GRIN2B: variants seen among roughly 807,000 people sequenced by gnomAD.
GRIN2B encodes glutamate receptor ionotropic, NMDA 2B.
In GRIN2B, 5 loss-of-function variants were observed where a neutral mutation model predicts 114.5. The observed-to-expected ratio is 0.04, with a 90% CI of 0.02 to 0.09. The LOEUF (loss-of-function observed/expected upper bound fraction) is 0.09. Ranked by LOEUF, GRIN2B falls within the 10% of genes least tolerant of loss-of-function variation. The probability of loss-of-function intolerance (pLI) is 1.00; values close to 1 mark genes in which losing one functional copy is unlikely to be tolerated. For missense variants in GRIN2B, 1,108 were observed against 1,943.5 expected, an observed-to-expected ratio of 0.57 and a Z score of 8.08; for synonymous variants, 787 against 745.1, an observed-to-expected ratio of 1.06 and a Z score of -0.92.
intron 3 of GRIN2B, among the ~76,000 whole-genome samples, chr12:13,859,969 T>C (rs143719489): frequency 2.0e-4 from 30 of 152,298 alleles, no homozygotes; most frequent in Non-Finnish European, 4.0e-4. Flanking sequence ...CACAGACAAC[T>C]AAAAGCAAGG....
At chr12:13,712,299 C>G (rs182496991) in intron 4 of GRIN2B, among the ~76,000 whole-genome samples, 1 of 151,784 alleles carries the variant, frequency 6.6e-6, no homozygotes, top group African/African-American at 2.4e-5. Context: ...TTAATGAGTG[C>G]GGCACACCAA....
chr12:13,614,403 C>T (rs1031021928), intron 8 of GRIN2B, among the ~76,000 whole-genome samples: 7 of 152,100 alleles, frequency 4.6e-5, no homozygotes, highest in African/African-American at 1.2e-4. Context: ...TTCAAGGTGA[C>T]GTTTTATTTT....
At position 13,716,270 on chromosome 12, in the gene GRIN2B, T is replaced by C. The variant is rs113113844; in HGVS notation, c.1010+37047A>G. 3.0e-3 allele frequency among the ~76,000 whole-genome samples: 454 copies of C among 152,010 alleles called. 5 individuals are homozygous for C. The highest frequency in any genetic ancestry group is 0.01 in the African/African-American group (429 of 41,514). On this transcript the variant is annotated intron_variant, in intron 4 of 13. Coordinates refer to ENST00000609686, the MANE Select transcript of GRIN2B (RefSeq NM_000834.5). Reference sequence around the variant, plus strand: ...CTAGGGTGATGCAATAGGAAATAAATACTGTGCAAATTTAGAGACAGGAGA... The same window carrying C: ...CTAGGGTGATGCAATAGGAAATAAACACTGTGCAAATTTAGAGACAGGAGA...
chr12:13,600,487 ATGTG>A (rs750434434), intron 10 of GRIN2B, among the ~76,000 whole-genome samples: 8 of 147,110 alleles, frequency 5.4e-5, no homozygotes, highest in Non-Finnish European at 1.1e-4. Flanking sequence ...GAGGGTAGGG[ATGTG>A]TGTGTGCATG....
chr12:13,949,786 A>T (rs987518512), intron 2 of GRIN2B, among the ~76,000 whole-genome samples: 1 of 152,164 alleles, frequency 6.6e-6, no homozygotes, highest in Non-Finnish European at 1.5e-5. Flanking sequence ...GCCTAAAGGG[A>T]ATCAGCAAAA....
intron 2 of GRIN2B, among the ~76,000 whole-genome samples, chr12:13,880,125 A>G (rs1256643655): frequency 6.6e-6 from 1 of 152,222 alleles, no homozygotes; most frequent in Non-Finnish European, 1.5e-5. Flanking sequence ...GGGCTAAGGC[A>G]GTATAAAGAC....
At chr12:13,654,176 G>A (rs1414568896) in intron 5 of GRIN2B, among the ~76,000 whole-genome samples, 1 of 152,100 alleles carries the variant, frequency 6.6e-6, no homozygotes, top group Non-Finnish European at 1.5e-5. Context: ...CCGATGAAAG[G>A]CATGACAGAA....
At chr12:13,956,827 G>A (rs1163331243) in intron 2 of GRIN2B, among the ~76,000 whole-genome samples, 3 of 152,124 alleles carry the variant, frequency 2.0e-5, no homozygotes, top group Non-Finnish European at 2.9e-5. Context: ...CTTCTTCCAC[G>A]ATTTCTCTAG....
chr12:13,588,279 T>G (rs1402535884), intron 10 of GRIN2B, among the ~76,000 whole-genome samples: 1 of 152,230 alleles, frequency 6.6e-6, no homozygotes, highest in Non-Finnish European at 1.5e-5. Flanking sequence ...AAAACGTTTC[T>G]CTTTCAAATA....
chr12:13,801,898 C>T (rs12303001), intron 3 of GRIN2B, among the ~76,000 whole-genome samples: 16,916 of 152,030 alleles, frequency 0.11, 1,245 homozygotes, highest in Middle Eastern at 0.16. Context: ...TTAGACAAGA[C>T]GAGTTACCTA....
chr12:13,872,454 C>CA (rs35373717), intron 2 of GRIN2B, among the ~76,000 whole-genome samples: 57,598 of 124,098 alleles, frequency 0.46, 12,338 homozygotes, highest in East Asian at 0.67. Flanking sequence ...GGCTCCGACT[C>CA]AAAAAAAAAA....
At chr12:13,689,266 A>G (rs1179335244) in intron 4 of GRIN2B, among the ~76,000 whole-genome samples, 1 of 152,110 alleles carries the variant, frequency 6.6e-6, no homozygotes, top group Non-Finnish European at 1.5e-5. Context: ...GATTGGCTTT[A>G]TCTTTGCTCT....
At chr12:13,823,463 T>C (rs910636780) in intron 3 of GRIN2B, among the ~76,000 whole-genome samples, 2 of 152,132 alleles carry the variant, frequency 1.3e-5, no homozygotes, top group Non-Finnish European at 2.9e-5. Flanking sequence ...AAATTGATAA[T>C]TCTCCAGTAG....
At chr12:13,626,427 G>C (rs1949567314) in intron 5 of GRIN2B, among the ~76,000 whole-genome samples, 1 of 152,130 alleles carries the variant, frequency 6.6e-6, no homozygotes, top group Non-Finnish European at 1.5e-5. Flanking sequence ...CTTGTCATCA[G>C]GTTACCTTGT....
At chr12:13,600,666 T>C (rs1949145179) in intron 10 of GRIN2B, among the ~76,000 whole-genome samples, 1 of 152,142 alleles carries the variant, frequency 6.6e-6, no homozygotes, top group Non-Finnish European at 1.5e-5. Flanking sequence ...GTCTAGAATA[T>C]GAGAAGAGTG....
intron 3 of GRIN2B, among the ~76,000 whole-genome samples, chr12:13,823,646 TC>T (rs1864978587): frequency 1.3e-5 from 2 of 152,148 alleles, no homozygotes; most frequent in Non-Finnish European, 2.9e-5. Context: ...ATATTCTATT[TC>T]TTTTTTGTAC....
chr12:13,939,028 A>T (rs1867183064), intron 2 of GRIN2B, among the ~76,000 whole-genome samples: 1 of 152,186 alleles, frequency 6.6e-6, no homozygotes, highest in African/African-American at 2.4e-5. Flanking sequence ...ACAAAATAGG[A>T]GCTCACCTCG....
chr12:13,942,195 A>G (rs1024317046), intron 2 of GRIN2B, among the ~76,000 whole-genome samples: 5 of 152,212 alleles, frequency 3.3e-5, no homozygotes, highest in African/African-American at 9.6e-5. Context: ...AGGGATTAGC[A>G]TCATTTGCCA....
intron 2 of GRIN2B, among the ~76,000 whole-genome samples, chr12:13,903,188 T>A (rs974880795): frequency 2.6e-5 from 4 of 152,164 alleles, no homozygotes; most frequent in African/African-American, 9.6e-5. Flanking sequence ...AAAAAAACTT[T>A]ACGTTTCATG....
Sources: allele counts gnomAD v4.1 joint callset (sites outside exome capture counted in the v4.1 genomes callset), GRCh38; gene constraint gnomAD v4.1.1; transcripts MANE v1.5; gene names NCBI Gene and HGNC (gene_info 2026-07-23, HGNC 2026-07-21).